TF: variants seen among roughly 807,000 people sequenced by gnomAD.
TF encodes serotransferrin.
In TF, 55 loss-of-function variants were observed where a neutral mutation model predicts 82.4. The ratio of observed to expected loss-of-function variants is 0.67; its 90% confidence interval spans 0.54 to 0.84. The LOEUF is 0.84. Among genes scored for constraint, TF ranks in the 40% least tolerant of loss-of-function variants. The pLI, the probability that TF is intolerant of heterozygous loss-of-function variation, is 0.00. For synonymous variants in TF, 332 were observed against 332.6 expected, an observed-to-expected ratio of 1.00 and a Z score of 0.02; for missense variants, 737 against 868.4, an observed-to-expected ratio of 0.85 and a Z score of 1.90.
chr3:133,780,262 A>G lies in TF; in HGVS notation c.*1642A>G, dbSNP rs957391308. ...TTAACCTAAACTTACCCCAAATCCT[A>G]TAACTCTGCCTTTTCCTTTGTTTGG... is the stretch of plus-strand genomic sequence containing the variant. On this transcript the variant is annotated 3_prime_UTR_variant, in exon 17 of 17. Transcript: ENST00000402696. 3.3e-5 allele frequency: 5 copies of G among 152,150 alleles called. No individual in the cohort carries two copies. The highest frequency in any genetic ancestry group is 7.2e-5 in the African/African-American group (3 of 41,408). 9.4% of individuals were successfully genotyped at this position (152,150 alleles called of 1,614,324 possible). A position where few individuals can be genotyped will look rare whatever the true frequency, so the allele number is the denominator to read the frequency against.
chr3:133,719,046 A>T, the TF span, among the ~76,000 whole-genome samples: 2 of 152,224 alleles, frequency 1.3e-5, no homozygotes, highest in Non-Finnish European at 2.9e-5. Flanking sequence ...CCTAAGTGTC[A>T]TAACACTGAT....
chr3:133,679,654 T>C, the TF span, among the ~76,000 whole-genome samples: 1 of 151,706 alleles, frequency 6.6e-6, no homozygotes, highest in Non-Finnish European at 1.5e-5. Flanking sequence ...TTCATTGCTT[T>C]TTATTATTGG....
the TF span, among the ~76,000 whole-genome samples, chr3:133,677,390 G>A: frequency 2.0e-5 from 3 of 152,090 alleles, no homozygotes; most frequent in East Asian, 3.9e-4. Context: ...TGCAATCCTC[G>A]CACTTTGGGA....
chr3:133,738,768 A>G, the TF span, among the ~76,000 whole-genome samples: 1 of 152,214 alleles, frequency 6.6e-6, no homozygotes, highest in African/African-American at 2.4e-5. Context: ...GATGTGAAGG[A>G]CCTCTTCAAG....
the TF span, among the ~76,000 whole-genome samples, chr3:133,690,967 A>G: frequency 1.3e-5 from 2 of 152,296 alleles, no homozygotes; most frequent in East Asian, 3.9e-4. Flanking sequence ...CATGCATTTA[A>G]TTAGAGTCCT....
At chr3:133,682,718 A>C in the TF span, among the ~76,000 whole-genome samples, 4 of 150,666 alleles carry the variant, frequency 2.7e-5, no homozygotes, top group Admixed American at 1.3e-4. Context: ...GTGAAAAGAC[A>C]AAATCTACGT....
Position 133,756,848 on chromosome 3 carries a change from G to A in TF, c.709G>A (p.Ala237Thr). 6.2e-7 allele frequency: 1 copy of A among 1,614,184 alleles called. No individual in the cohort carries two copies. Among genetic ancestry groups the A allele is most frequent in the Non-Finnish European group, 8.5e-7 (1 of 1,180,042 alleles). Residue 237 changes from alanine (A) to threonine (T), a missense_variant, in exon 7 of 17, where the codon GCT (alanine) becomes ACT (threonine). Physicochemically the swap from Ala to Thr is moderately conservative, Grantham distance 58 (BLOSUM62 0). Transcript: ENST00000402696. ...CTCCCCAGAGAACTTGGCAAACAAG[G>A]CTGACAGGGACCAGTATGAGCTGCT... ...STIFENLANK[A>T]DRDQYELLCL...
At chr3:133,695,275 G>A in the TF span, among the ~76,000 whole-genome samples, 1 of 135,290 alleles carries the variant, frequency 7.4e-6, no homozygotes, top group African/African-American at 2.8e-5. Flanking sequence ...TTGAGATGGA[G>A]TCTCCCTCTG....
chr3:133,763,917 G>A (rs990539129), intron 9 of TF, among the ~76,000 whole-genome samples: 4 of 152,172 alleles, frequency 2.6e-5, no homozygotes, highest in Admixed American at 6.5e-5. Context: ...CCTACAAGAG[G>A]GCAAGAGGAC....
the TF span, chr3:133,699,331 C>A: frequency 2.0e-6 from 1 of 493,468 alleles, no homozygotes; most frequent in Non-Finnish European, 3.6e-6. Flanking sequence ...GAAAAAAATT[C>A]TCCCTCAGTC....
chr3:133,680,025 A>C, the TF span, among the ~76,000 whole-genome samples: 1 of 152,028 alleles, frequency 6.6e-6, no homozygotes, highest in Non-Finnish European at 1.5e-5. Context: ...ATCAATCTCT[A>C]TGTGATTTTA....
In TF at chr3:133,764,227, A is replaced by G. The variant is rs1398492278; in HGVS notation, c.1249A>G (p.Ile417Val). Residue 417 changes from isoleucine to valine, a missense_variant, in exon 10 of 17, where the codon ATA (isoleucine) becomes GTA (valine). Transcript: ENST00000402696. ...AMSLDGGFVYIAGKCGLVPVL... is the reference protein window; with the variant it reads ...AMSLDGGFVYVAGKCGLVPVL... ...GAGCTTGGATGGAGGGTTTGTCTAC[A>G]TAGCGGGCAAGTGTGGTCTGGTGCC... is the stretch of plus-strand genomic sequence containing the variant. The G allele has an allele frequency of 3.7e-6, 6 of 1,613,912 alleles. No homozygotes were observed. The highest frequency in any genetic ancestry group is 1.1e-5 in the South Asian group (1 of 91,088).
chr3:133,740,154 TA>T, the TF span, among the ~76,000 whole-genome samples: 59 of 152,172 alleles, frequency 3.9e-4, no homozygotes, highest in Middle Eastern at 3.4e-3. Context: ...TATGCAGCCA[TA>T]AAAAAGGATG....
At chr3:133,746,639 C>A (rs896619095) in intron 1 of TF, among the ~76,000 whole-genome samples, 156 bp downstream of exon 1, 3 of 152,238 alleles carry the variant, frequency 2.0e-5, no homozygotes, top group African/African-American at 7.2e-5. Flanking sequence ...CCACCCCTGG[C>A]CTTTGCTTGG....
chr3:133,702,302 T>C, the TF span, among the ~76,000 whole-genome samples: 1 of 151,276 alleles, frequency 6.6e-6, no homozygotes, highest in African/African-American at 2.4e-5. Context: ...GGGGCTCAGC[T>C]CTGGAGTCCA....
chr3:133,769,885 A>G (rs940107613), intron 13 of TF, among the ~76,000 whole-genome samples: 1 of 152,318 alleles, frequency 6.6e-6, no homozygotes, highest in Non-Finnish European at 1.5e-5. Flanking sequence ...TTCTTTTCTG[A>G]AACTTCTTGG....
At chr3:133,755,604 G>A in intron 5 of TF, 109 bp downstream of exon 5, 1 of 1,505,606 alleles carries the variant, frequency 6.6e-7, no homozygotes, top group South Asian at 1.2e-5. Context: ...GGGGCATCGA[G>A]GTGGCCTAAT....
the TF span, among the ~76,000 whole-genome samples, chr3:133,715,609 C>T: frequency 6.6e-6 from 1 of 152,196 alleles, no homozygotes; most frequent in Non-Finnish European, 1.5e-5. Context: ...CTTCTTTTTA[C>T]AACAAAATTC....
At chr3:133,676,084 T>C in the TF span, among the ~76,000 whole-genome samples, 1 of 152,228 alleles carries the variant, frequency 6.6e-6, no homozygotes, top group Admixed American at 6.5e-5. Flanking sequence ...AGGGTTTTTC[T>C]CGCCTCAAAC....
Sources: gnomAD v4.1 joint callset for allele counts (sites outside exome capture counted in the v4.1 genomes callset) on GRCh38, gnomAD v4.1.1 for gene constraint, MANE v1.5 for transcripts, NCBI Gene and HGNC (gene_info 2026-07-23, HGNC 2026-07-21) for gene names.